Variants in CNTNAP2 observed in about 807,000 individuals in gnomAD.
CNTNAP2 encodes contactin-associated protein-like 2.
In CNTNAP2, 98 loss-of-function variants were observed where a neutral mutation model predicts 155.2. That is an observed-to-expected ratio of 0.63 (90% CI 0.54 to 0.75). The LOEUF is 0.75. Ranked by LOEUF, CNTNAP2 falls within the 30% of genes least tolerant of loss-of-function variation. The probability of loss-of-function intolerance (pLI) is 0.00; values close to 1 mark genes in which losing one functional copy is unlikely to be tolerated. For synonymous variants in CNTNAP2, 651 were observed against 631.2 expected (o/e 1.03, Z -0.47); for missense variants, 1,727 against 1,688.1 (o/e 1.02, Z -0.40).
chr7:147,816,994 A>G (rs1191290092), intron 13 of CNTNAP2, among the ~76,000 whole-genome samples: 1 of 152,214 alleles, frequency 6.6e-6, no homozygotes, highest in African/African-American at 2.4e-5. Context: ...TCAAAAGTTG[A>G]ACCTAAATCT....
chr7:146,500,106 T>A (rs1441980321), intron 1 of CNTNAP2, among the ~76,000 whole-genome samples: 1 of 145,628 alleles, frequency 6.9e-6, no homozygotes, highest in Non-Finnish European at 1.5e-5. Context: ...TTGTGTGAAT[T>A]CCTTAGAATT....
At chr7:146,838,643 T>A (rs2129200220) in intron 2 of CNTNAP2, among the ~76,000 whole-genome samples, 1 of 152,318 alleles carries the variant, frequency 6.6e-6, no homozygotes, top group African/African-American at 2.4e-5. Flanking sequence ...TTTTTAGTTT[T>A]GTAATTTTAA....
chr7:146,927,045 G>C (rs1277141949), intron 3 of CNTNAP2, among the ~76,000 whole-genome samples: 1 of 152,138 alleles, frequency 6.6e-6, no homozygotes, highest in African/African-American at 2.4e-5. Flanking sequence ...TTAGTCCTGG[G>C]TCTTTGCTTA....
chr7:147,760,008 C>G (rs908895797), intron 13 of CNTNAP2, among the ~76,000 whole-genome samples: 1 of 152,162 alleles, frequency 6.6e-6, no homozygotes, highest in African/African-American at 2.4e-5. Context: ...ATTTCTCTCT[C>G]TCTCTTCCTC....
intron 14 of CNTNAP2, among the ~76,000 whole-genome samples, chr7:147,956,083 A>G (rs188636839): frequency 1.5e-3 from 230 of 152,334 alleles, no homozygotes; most frequent in Non-Finnish European, 2.7e-3. Context: ...CTTTGCTCAT[A>G]TATACCAGTT....
chr7:146,999,225 A>G (rs537928053), intron 3 of CNTNAP2, among the ~76,000 whole-genome samples: 1 of 146,758 alleles, frequency 6.8e-6, no homozygotes, highest in Non-Finnish European at 1.5e-5. Context: ...TAACCTGATA[A>G]CAGCTTAAGT....
chr7:147,389,221 A>G (rs1248558394), intron 9 of CNTNAP2, among the ~76,000 whole-genome samples: 1 of 152,218 alleles, frequency 6.6e-6, no homozygotes, highest in Admixed American at 6.5e-5. Context: ...AGTAGAGACT[A>G]GTAGATATTT....
intron 12 of CNTNAP2, among the ~76,000 whole-genome samples, chr7:147,619,527 T>G (rs1232733237): frequency 2.0e-5 from 3 of 152,198 alleles, no homozygotes; most frequent in Non-Finnish European, 4.4e-5. Flanking sequence ...AAGGGAATAT[T>G]GGAGATAGGC....
chr7:146,847,791 T>C (rs1296882198), intron 3 of CNTNAP2, among the ~76,000 whole-genome samples: 1 of 152,178 alleles, frequency 6.6e-6, no homozygotes, highest in Non-Finnish European at 1.5e-5. Context: ...GGCCTACTTA[T>C]TATCACATCG....
chr7:148,132,054 T>G (rs926038773), intron 16 of CNTNAP2, among the ~76,000 whole-genome samples: 1 of 152,222 alleles, frequency 6.6e-6, no homozygotes, highest in Non-Finnish European at 1.5e-5. Context: ...GCCAACTGGA[T>G]GTCAACTGGA....
chr7:147,284,639 G>C, intron 8 of CNTNAP2, among the ~76,000 whole-genome samples: 1 of 151,434 alleles, frequency 6.6e-6, no homozygotes. Context: ...AAAAAGACTT[G>C]GTAACATACA....
chr7:146,584,959 T>C (rs1483528424), intron 1 of CNTNAP2, among the ~76,000 whole-genome samples: 1 of 152,096 alleles, frequency 6.6e-6, no homozygotes, highest in Non-Finnish European at 1.5e-5. Flanking sequence ...GTGACACCTA[T>C]ATTTAACCTG....
intron 12 of CNTNAP2, among the ~76,000 whole-genome samples, chr7:147,568,595 G>T (rs374372875): frequency 1.3e-5 from 2 of 151,938 alleles, no homozygotes; most frequent in African/African-American, 2.4e-5. Context: ...TGTTAGCCTC[G>T]CCTTCCTTCT....
At chr7:147,458,399 T>C (rs879584165) in intron 10 of CNTNAP2, among the ~76,000 whole-genome samples, 3 of 152,084 alleles carry the variant, frequency 2.0e-5, no homozygotes, top group Non-Finnish European at 4.4e-5. Flanking sequence ...AGTCTACTTA[T>C]TGAGATACTG....
intron 23 of CNTNAP2, among the ~76,000 whole-genome samples, chr7:148,414,106 C>G (rs373362948): frequency 1.9e-4 from 28 of 144,730 alleles, no homozygotes; most frequent in African/African-American, 6.6e-4. Flanking sequence ...GAGTCCCCCC[C>G]CCCCCCCTCA....
At chr7:146,458,507 A>G (rs1197681864) in intron 1 of CNTNAP2, among the ~76,000 whole-genome samples, 1 of 152,206 alleles carries the variant, frequency 6.6e-6, no homozygotes, top group Non-Finnish European at 1.5e-5. Flanking sequence ...ATGCTACAAC[A>G]TTAGACAGTA....
At position 147,784,494 on chromosome 7, in the gene CNTNAP2, A is replaced by ATATATAT. The variant is rs1704923618; in HGVS notation, c.2099-119071_2099-119070insTATATAT. On this transcript the variant is annotated intron_variant, in intron 13 of 23. Transcript: ENST00000361727. ...CTCTTAATATTCTGGGCTCTGGACT[A>ATATATAT]ATATATATATATATATATATATATA... Among the ~76,000 whole-genome samples, 3 of 45,014 alleles carry ATATATAT rather than the reference A, an allele frequency of 6.7e-5. 1 individual carries two copies. Among genetic ancestry groups the ATATATAT allele is most frequent in the African/African-American group, 1.4e-4 (3 of 21,556 alleles). 29.5% of individuals were successfully genotyped at this position (45,014 alleles called of 152,430 possible). A position where few individuals can be genotyped will look rare whatever the true frequency, so the allele number is the denominator to read the frequency against.
At chr7:146,763,240 G>A (rs763644244) in intron 1 of CNTNAP2, among the ~76,000 whole-genome samples, 8 of 152,198 alleles carry the variant, frequency 5.3e-5, no homozygotes, top group Non-Finnish European at 8.8e-5. Context: ...CCTTTTGACT[G>A]GGGTTTGTTG....
intron 2 of CNTNAP2, among the ~76,000 whole-genome samples, chr7:146,815,994 G>A (rs1054050504): frequency 2.6e-5 from 4 of 152,148 alleles, no homozygotes; most frequent in Non-Finnish European, 5.9e-5. Context: ...TCCCACCTAT[G>A]AGTGAGAACA....
Sources: gnomAD v4.1 joint callset for allele counts (sites outside exome capture counted in the v4.1 genomes callset) on GRCh38, gnomAD v4.1.1 for gene constraint, MANE v1.5 for transcripts, NCBI Gene and HGNC (gene_info 2026-07-23, HGNC 2026-07-21) for gene names.